The following WBP1L variants were observed in gnomAD, a reference collection of about 807,000 sequenced individuals.
The protein encoded by WBP1L is WW domain binding protein 1-like.
Under a neutral mutation model 33.7 loss-of-function variants are expected in WBP1L, and 17 were observed. The observed-to-expected ratio is 0.50, with a 90% CI of 0.34 to 0.76. The LOEUF (loss-of-function observed/expected upper bound fraction) is 0.76. Among genes scored for constraint, WBP1L ranks in the 30% least tolerant of loss-of-function variants. The pLI is 0.01. For synonymous variants in WBP1L, 173 were observed against 190.8 expected, an observed-to-expected ratio of 0.91 and a Z score of 0.77; for missense variants, 389 against 469.4, an observed-to-expected ratio of 0.83 and a Z score of 1.58.
intron 1 of WBP1L, among the ~76,000 whole-genome samples, chr10:102,768,823 G>T (rs1252915213): frequency 6.6e-6 from 1 of 150,824 alleles, no homozygotes; most frequent in East Asian, 1.9e-4. Context: ...AAGTAGCTGG[G>T]ACTACAGGTG....
At position 102,812,839 on chromosome 10, in the gene WBP1L, C is replaced by T. The variant is rs767418602; in HGVS notation, c.600C>T (p.Pro200=). The change falls in exon 4 of 4, where the codon CCC becomes CCT. Residue 200 remains proline, a synonymous_variant. Transcript: ENST00000448841. ...TRPPSIADPD[P]SDLPVDRAAT... is the part of the protein sequence containing the mutation. ...CCCCAAGCATCGCTGACCCTGATCC[C>T]TCTGACCTACCAGTTGACCGAGCAG... 4 of 1,581,894 alleles carry T rather than the reference C, an allele frequency of 2.5e-6. No individual in the cohort carries two copies. Among genetic ancestry groups the T allele is most frequent in the East Asian group, 2.2e-5 (1 of 44,604 alleles).
At chr10:102,775,783 G>A (rs1291797934) in intron 1 of WBP1L, among the ~76,000 whole-genome samples, 1 of 152,016 alleles carries the variant, frequency 6.6e-6, no homozygotes, top group Non-Finnish European at 1.5e-5. Flanking sequence ...CAGGGGTGGG[G>A]GTGGAAAAGT....
At chr10:102,758,771 A>G (rs1231730169) in intron 1 of WBP1L, among the ~76,000 whole-genome samples, 1 of 152,162 alleles carries the variant, frequency 6.6e-6, no homozygotes, top group African/African-American at 2.4e-5. Flanking sequence ...ACAAGGGGGC[A>G]GGGTAAGGAG....
rs561859218 is a variant in WBP1L, at chr10:102,791,343, C to A, written c.91-6650C>A. Among the ~76,000 whole-genome samples the A allele has an allele frequency of 2.0e-4, 31 of 152,212 alleles. No individual in the cohort carries two copies. The Middle Eastern group carries it at 0.01, about 50-fold the overall frequency. ...TAGCAGAATAATTTTTAGTTACCTA[C>A]CCAGCTATATTGCCAGAAGCGGAAA... On this transcript the variant is annotated intron_variant, in intron 1 of 3. Coordinates refer to ENST00000448841, the MANE Select transcript of WBP1L (RefSeq NM_001083913.2).
intron 1 of WBP1L, among the ~76,000 whole-genome samples, chr10:102,745,083 T>A (rs1285407426): frequency 6.6e-6 from 1 of 152,232 alleles, no homozygotes; most frequent in Non-Finnish European, 1.5e-5. Context: ...CTTCACTTTC[T>A]GTTCTTTTCC....
intron 1 of WBP1L, among the ~76,000 whole-genome samples, chr10:102,753,476 T>C (rs995121732): frequency 3.3e-5 from 5 of 152,232 alleles, no homozygotes; most frequent in Non-Finnish European, 5.9e-5. Flanking sequence ...TTAAGGCTTG[T>C]TGATACAATT....
At position 102,812,930 on chromosome 10, in the gene WBP1L, G is replaced by T; in HGVS notation, c.691G>T (p.Ala231Ser). 1 of 1,593,966 alleles carries T rather than the reference G, an allele frequency of 6.3e-7. No homozygotes were observed. The highest frequency in any genetic ancestry group is 1.7e-5 in the Admixed American group (1 of 58,910). Residue 231 changes from alanine to serine, a missense_variant, in exon 4 of 4, where the codon GCC (alanine) becomes TCC (serine). By Grantham distance (99) the Ala-to-Ser change is moderately conservative. Coordinates refer to ENST00000448841, the MANE Select transcript of WBP1L (RefSeq NM_001083913.2). ...VAGLGELDPG[A>S]FLDKDAECRE... ...TGGCCTGGGGGAGCTGGACCCGGGG[G>T]CCTTCCTGGACAAAGATGCAGAATG...
chr10:102,757,883 C>A (rs1383119781), intron 1 of WBP1L, among the ~76,000 whole-genome samples: 1 of 61,150 alleles, frequency 1.6e-5, no homozygotes, highest in Non-Finnish European at 3.1e-5. Flanking sequence ...CCCTCCCCCC[C>A]CCCCTTTTTT....
chr10:102,765,930 A>G (rs962502199), intron 1 of WBP1L, among the ~76,000 whole-genome samples: 5 of 152,190 alleles, frequency 3.3e-5, no homozygotes, highest in African/African-American at 1.2e-4. Context: ...CATTGTACCC[A>G]CATTCCCACT....
chr10:102,776,383 C>T (rs749647752), intron 1 of WBP1L: 4 of 1,614,162 alleles, frequency 2.5e-6, no homozygotes, highest in Non-Finnish European at 1.7e-6. Context: ...GGACGATGCT[C>T]TTGCAGGATG....
At chr10:102,788,788 C>T (rs754179631) in intron 1 of WBP1L, among the ~76,000 whole-genome samples, 44 of 152,096 alleles carry the variant, frequency 2.9e-4, no homozygotes, top group Non-Finnish European at 5.3e-4. Context: ...CAAGAGCAGC[C>T]ACAACCTGGC....
chr10:102,814,258 G>A lies in WBP1L; in HGVS notation c.*927G>A, dbSNP rs34102073. On this transcript the variant is annotated 3_prime_UTR_variant, in exon 4 of 4. Transcript: ENST00000448841. Reference sequence around the variant, plus strand: ...CTCTGTGAGCAGGAGGCCCTAAGCCGCAGCAGTGGATAGAGGTGCAGCTCT... The same window carrying A: ...CTCTGTGAGCAGGAGGCCCTAAGCCACAGCAGTGGATAGAGGTGCAGCTCT... The A allele has an allele frequency of 0.014, 2,209 of 152,386 alleles. 30 individuals are homozygous for A. The highest frequency in any genetic ancestry group is 0.048 in the South Asian group (233 of 4,826). 9.4% of individuals were successfully genotyped at this position (152,386 alleles called of 1,614,324 possible).
intron 1 of WBP1L, among the ~76,000 whole-genome samples, chr10:102,775,204 G>A (rs17114969): frequency 0.013 from 1,985 of 150,422 alleles, 22 homozygotes; most frequent in Admixed American, 0.035. Context: ...CTGGAAATCC[G>A]AACCCAAACA....
In WBP1L at chr10:102,813,646, A is replaced by G. The variant is rs11191401; in HGVS notation, c.*315A>G. On this transcript the variant is annotated 3_prime_UTR_variant, in exon 4 of 4. Coordinates refer to ENST00000448841, the MANE Select transcript of WBP1L (RefSeq NM_001083913.2). ...TGTTTGGGTCAGAGAGATGTGTTTT[A>G]AAAGCCCCCAAGGAAGGAGGCTGGG... The G allele has an allele frequency of 0.25, 92,776 of 364,742 alleles. 12,825 individuals are homozygous for G. Among genetic ancestry groups the G allele is most frequent in the Non-Finnish European group, 0.3 (59,797 of 199,846 alleles). The allele number at this position is 364,742 out of a possible 1,614,324, so 22.6% of individuals were successfully genotyped here.
At position 102,800,575 on chromosome 10, in the gene WBP1L, C is replaced by T. The variant is rs548494594; in HGVS notation, c.193+2480C>T. ...GGCCCAGCAGAGAGCAGTGTCTAGA[C>T]GGAGAGAAAAGGTGCCCCGTTAAAT... On this transcript the variant is annotated intron_variant, in intron 2 of 3. Transcript: ENST00000448841. Among the ~76,000 whole-genome samples the T allele has an allele frequency of 5.3e-5, 8 of 152,286 alleles. No individual in the cohort carries two copies. The East Asian group carries it at 7.7e-4, about 15-fold the overall frequency.
intron 1 of WBP1L, among the ~76,000 whole-genome samples, chr10:102,783,946 C>T (rs1393228663): frequency 1.3e-5 from 2 of 152,288 alleles, no homozygotes; most frequent in South Asian, 2.1e-4. Flanking sequence ...TTTCCTGCTG[C>T]CTTCTAAGCA....
chr10:102,790,665 C>T (rs1478617886), intron 1 of WBP1L, among the ~76,000 whole-genome samples: 1 of 152,118 alleles, frequency 6.6e-6, no homozygotes, highest in Non-Finnish European at 1.5e-5. Context: ...CGCCCGCCAC[C>T]ACGCCCAGCT....
chr10:102,781,969 G>T (rs933852433), intron 1 of WBP1L, among the ~76,000 whole-genome samples: 1 of 152,066 alleles, frequency 6.6e-6, no homozygotes, highest in African/African-American at 2.4e-5. Context: ...TGCCTCCCAG[G>T]TTCAAGGAAT....
In WBP1L at chr10:102,813,512, G is replaced by A. The variant is rs1843881037; in HGVS notation, c.*181G>A. 2.4e-6 allele frequency: 2 copies of A among 829,168 alleles called. No individual in the cohort carries two copies. Among genetic ancestry groups the A allele is most frequent in the African/African-American group, 3.4e-5 (2 of 58,158 alleles). 51.4% of individuals were successfully genotyped at this position (829,168 alleles called of 1,614,324 possible). On this transcript the variant is annotated 3_prime_UTR_variant, in exon 4 of 4. Coordinates refer to ENST00000448841, the MANE Select transcript of WBP1L (RefSeq NM_001083913.2). ...TCCAGGTACAGTTCGGGGTGTGGAT[G>A]CCTCTTCCTCCACAAGGGCACAGTG... is the stretch of plus-strand genomic sequence containing the variant.
Sources: gnomAD v4.1 joint callset for allele counts (sites outside exome capture counted in the v4.1 genomes callset) on GRCh38, gnomAD v4.1.1 for gene constraint, MANE v1.5 for transcripts, NCBI Gene and HGNC (gene_info 2026-07-23, HGNC 2026-07-21) for gene names.